SNTG1: variants seen among roughly 807,000 people sequenced by gnomAD.
The protein encoded by SNTG1 is syntrophin gamma 1.
In SNTG1, 39 loss-of-function variants were observed where a neutral mutation model predicts 74.7. The observed-to-expected ratio is 0.52, with a 90% CI of 0.40 to 0.68. SNTG1 has a LOEUF of 0.68. Ranked by LOEUF, SNTG1 falls within the 30% of genes least tolerant of loss-of-function variation. The pLI is 0.00. For synonymous variants in SNTG1, 254 were observed against 217.1 expected (o/e 1.17, Z -1.49); for missense variants, 685 against 609.5 (o/e 1.12, Z -1.30).
chr8:50,512,881 G>A (rs1042298895), intron 9 of SNTG1, among the ~76,000 whole-genome samples: 2 of 151,884 alleles, frequency 1.3e-5, no homozygotes, highest in Non-Finnish European at 2.9e-5. Flanking sequence ...TTAGCTTGGA[G>A]TAGTTTGATC....
intron 1 of SNTG1, among the ~76,000 whole-genome samples, chr8:49,969,821 G>T (rs1424072132): frequency 6.6e-6 from 1 of 152,024 alleles, no homozygotes; most frequent in African/African-American, 2.4e-5. Context: ...CCAAGTTACA[G>T]AATTTGAAAA....
At chr8:50,777,218 CATATATAT>C (rs34381602) in intron 18 of SNTG1, among the ~76,000 whole-genome samples, 16,725 of 143,526 alleles carry the variant, frequency 0.12, 2,804 homozygotes, top group African/African-American at 0.37. Context: ...ACATGAATAG[CATATATAT>C]ATATATATAA....
At chr8:50,555,812 A>G (rs1294989324) in intron 12 of SNTG1, among the ~76,000 whole-genome samples, 1 of 152,202 alleles carries the variant, frequency 6.6e-6, no homozygotes, top group Non-Finnish European at 1.5e-5. Flanking sequence ...TGCTATTGAA[A>G]TAAGACATAC....
chr8:50,577,044 A>G (rs759882710), intron 12 of SNTG1, among the ~76,000 whole-genome samples: 13 of 152,182 alleles, frequency 8.5e-5, no homozygotes, highest in Non-Finnish European at 1.5e-4. Context: ...TCACATAGGA[A>G]CATATTATCC....
At chr8:50,687,269 G>C (rs7821535) in intron 15 of SNTG1, among the ~76,000 whole-genome samples, 1 of 150,280 alleles carries the variant, frequency 6.7e-6, no homozygotes, top group African/African-American at 2.4e-5. Context: ...ACAAAAAATC[G>C]CAGAAAACAA....
chr8:50,187,855 A>T (rs1385439253), intron 2 of SNTG1, among the ~76,000 whole-genome samples: 1 of 152,172 alleles, frequency 6.6e-6, no homozygotes, highest in Non-Finnish European at 1.5e-5. Context: ...TCCATGATGG[A>T]AGTGGCCCAG....
chr8:50,328,323 C>T (rs1427783913), intron 2 of SNTG1, among the ~76,000 whole-genome samples: 3 of 151,714 alleles, frequency 2.0e-5, no homozygotes, highest in Non-Finnish European at 2.9e-5. Flanking sequence ...ATGCTTTTGT[C>T]TGTCAACTTT....
At chr8:50,785,338 A>G (rs1245419425) in intron 18 of SNTG1, among the ~76,000 whole-genome samples, 1 of 151,974 alleles carries the variant, frequency 6.6e-6, no homozygotes, top group Non-Finnish European at 1.5e-5. Flanking sequence ...ATTTTTTAAA[A>G]TCAGAAATAA....
intron 13 of SNTG1, among the ~76,000 whole-genome samples, chr8:50,652,722 A>G (rs1307362616): frequency 1.3e-5 from 2 of 152,046 alleles, no homozygotes; most frequent in Non-Finnish European, 2.9e-5. Context: ...ACTTGAACCC[A>G]GGAGGTGGAG....
At chr8:50,263,365 C>T (rs1020904693) in intron 2 of SNTG1, among the ~76,000 whole-genome samples, 7 of 151,750 alleles carry the variant, frequency 4.6e-5, no homozygotes, top group South Asian at 2.1e-4. Context: ...AAATGACAAA[C>T]GTAAATCTAA....
At chr8:50,061,161 A>G (rs980681313) in intron 1 of SNTG1, among the ~76,000 whole-genome samples, 11 of 152,170 alleles carry the variant, frequency 7.2e-5, no homozygotes, top group Admixed American at 5.2e-4. Flanking sequence ...ATTCAAAAGC[A>G]AAACCATTTA....
intron 15 of SNTG1, among the ~76,000 whole-genome samples, chr8:50,674,829 G>C (rs904537644): frequency 3.9e-5 from 6 of 152,004 alleles, no homozygotes; most frequent in African/African-American, 1.2e-4. Context: ...TCTAAACACT[G>C]GTTTAGCTAT....
At chr8:50,497,700 G>T (rs1488877354) in intron 8 of SNTG1, among the ~76,000 whole-genome samples, 1 of 151,750 alleles carries the variant, frequency 6.6e-6, no homozygotes, top group African/African-American at 2.4e-5. Flanking sequence ...ACACAATCAA[G>T]GTAATAAAAT....
intron 8 of SNTG1, among the ~76,000 whole-genome samples, chr8:50,479,480 A>G (rs1302001497): frequency 1.3e-5 from 2 of 151,976 alleles, no homozygotes; most frequent in Non-Finnish European, 2.9e-5. Context: ...TTACTTCCCC[A>G]ATGGGGAATA....
chr8:50,309,571 G>C (rs1428629670), intron 2 of SNTG1, among the ~76,000 whole-genome samples: 1 of 152,124 alleles, frequency 6.6e-6, no homozygotes, highest in African/African-American at 2.4e-5. Context: ...CATTAATTTA[G>C]GGCAAATTGA....
At chr8:50,241,612 A>AC (rs1458827293) in intron 2 of SNTG1, among the ~76,000 whole-genome samples, 2 of 152,162 alleles carry the variant, frequency 1.3e-5, no homozygotes, top group South Asian at 4.1e-4. Flanking sequence ...GGCCTTAAGT[A>AC]CTGCTTTTAG....
intron 1 of SNTG1, among the ~76,000 whole-genome samples, chr8:50,146,603 C>A (rs2081876997): frequency 6.6e-6 from 1 of 152,116 alleles, no homozygotes; most frequent in Non-Finnish European, 1.5e-5. Context: ...GGCAGGCTTA[C>A]TTATCTAAAA....
chr8:50,193,055 T>TTA (rs2083634906), intron 2 of SNTG1, among the ~76,000 whole-genome samples: 1 of 152,158 alleles, frequency 6.6e-6, no homozygotes, highest in Admixed American at 6.6e-5. Flanking sequence ...GACTATGGCC[T>TTA]TATAGTATAG....
Position 50,657,045 on chromosome 8 carries a change from G to A in SNTG1, c.966+20G>A, listed in dbSNP as rs780735862. 2.2e-5 allele frequency: 31 copies of A among 1,415,498 alleles called. No individual in the cohort carries two copies. Among genetic ancestry groups the A allele is most frequent in the Non-Finnish European group, 2.8e-5 (30 of 1,054,496 alleles). The allele number at this position is 1,415,498 out of a possible 1,614,324, so 87.7% of individuals were successfully genotyped here. A position where few individuals can be genotyped will look rare whatever the true frequency, so the allele number is the denominator to read the frequency against. On this transcript the variant is annotated intron_variant, in intron 14 of 18. Coordinates refer to ENST00000642720, the MANE Select transcript of SNTG1 (RefSeq NM_018967.5). The stretch of plus-strand genomic sequence containing the variant: ...CCTCCAGTACGTGTTTTATTGAAAT[G>A]TATTGGTCGTTTCCATATTATCACA...
Sources: allele counts gnomAD v4.1 joint callset (sites outside exome capture counted in the v4.1 genomes callset), GRCh38; gene constraint gnomAD v4.1.1; transcripts MANE v1.5; gene names NCBI Gene and HGNC (gene_info 2026-07-23, HGNC 2026-07-21).